Variants in EFHC2 observed in about 807,000 individuals in gnomAD.
EFHC2 encodes EF-hand domain-containing family member C2.
In EFHC2, 18 loss-of-function variants were observed where a neutral mutation model predicts 52.7. The observed-to-expected ratio is 0.34, with a 90% confidence interval of 0.24 to 0.51. The LOEUF is 0.51. EFHC2 is among the 20% of genes least tolerant of loss of function. The pLI is 0.97. For missense variants in EFHC2, 513 were observed against 562.5 expected, an observed-to-expected ratio of 0.91 and a Z score of 0.89; for synonymous variants, 203 against 204.1, an observed-to-expected ratio of 0.99 and a Z score of 0.04.
chrX:44,194,758 C>T (rs2147291372), intron 11 of EFHC2, among the ~76,000 whole-genome samples: 1 of 111,748 alleles, frequency 8.9e-6, no homozygotes, highest in African/African-American at 3.2e-5. Flanking sequence ...ACTTCAGGGG[C>T]CCAGCCATAT....
At chrX:44,220,005 G>A (rs2037181669) in intron 11 of EFHC2, among the ~76,000 whole-genome samples, 1 of 111,415 alleles carries the variant, frequency 9.0e-6, no homozygotes, top group African/African-American at 3.3e-5. Context: ...TTATTTGTTT[G>A]GGTTTTATTT....
intron 4 of EFHC2, among the ~76,000 whole-genome samples, chrX:44,257,126 C>T (rs1311810492): frequency 1.8e-5 from 2 of 111,611 alleles, no homozygotes; most frequent in Non-Finnish European, 3.8e-5. Flanking sequence ...TCTCCATAAA[C>T]TAGGTATTGA....
intron 2 of EFHC2, chrX:44,284,305 G>A (rs1455357908): frequency 1.8e-5 from 2 of 111,653 alleles, no homozygotes; most frequent in Non-Finnish European, 3.8e-5. Context: ...CTCTGGAGGA[G>A]GGTATCTACA....
intron 11 of EFHC2, among the ~76,000 whole-genome samples, chrX:44,186,608 A>T (rs2036876153): frequency 9.0e-6 from 1 of 111,448 alleles, no homozygotes; most frequent in Non-Finnish European, 1.9e-5. Context: ...CTACAAGACC[A>T]TGGTGAGCTC....
chrX:44,244,847 T>G (rs2037386830), intron 7 of EFHC2, among the ~76,000 whole-genome samples: 1 of 112,195 alleles, frequency 8.9e-6, no homozygotes, highest in Non-Finnish European at 1.9e-5. Flanking sequence ...TAAGACAAAG[T>G]TAGGCCAGGG....
chrX:44,328,933 C>T (rs766327453), intron 1 of EFHC2, among the ~76,000 whole-genome samples: 14 of 111,523 alleles, frequency 1.3e-4, no homozygotes, highest in South Asian at 3.8e-4. Context: ...CCCTATGCTC[C>T]GCCCGCTCCC....
intron 10 of EFHC2, among the ~76,000 whole-genome samples, chrX:44,230,196 T>G (rs553154534): frequency 9.0e-6 from 1 of 111,467 alleles, no homozygotes; most frequent in African/African-American, 3.3e-5. Context: ...CTGGAACTGC[T>G]GTCCATTAGG....
intron 14 of EFHC2, among the ~76,000 whole-genome samples, chrX:44,159,205 A>G (rs1465986805): frequency 2.7e-5 from 3 of 110,975 alleles, no homozygotes; most frequent in Non-Finnish European, 5.7e-5. Flanking sequence ...TCCCAAGGAC[A>G]CTCCCAAAAA....
intron 11 of EFHC2, among the ~76,000 whole-genome samples, chrX:44,213,292 GCTAGCAATCAACA>G (rs2037115140): frequency 9.0e-6 from 1 of 111,092 alleles, no homozygotes; most frequent in Non-Finnish European, 1.9e-5. Context: ...AAAAAGAAAT[GCTAGCAATCAACA>G]ACACTATGTC....
chrX:44,310,073 T>C, intron 2 of EFHC2: 1 of 762,119 alleles, frequency 1.3e-6, no homozygotes, highest in East Asian at 3.1e-5. Context: ...CATCACTTGC[T>C]GCAAAGAAAA....
rs2037757796 is a variant in EFHC2, at chrX:44,287,216, G to A, written c.232-14380C>T. Reference sequence around the variant, plus strand: ...AAAAAAAATTTTTTAAATAAAAAATGTAAGTATACACTCAACAAGGTAAGC... The same window carrying A: ...AAAAAAAATTTTTTAAATAAAAAATATAAGTATACACTCAACAAGGTAAGC... On this transcript the variant is annotated intron_variant, in intron 2 of 14. Transcript: ENST00000420999. Among the ~76,000 whole-genome samples the A allele has an allele frequency of 4.5e-5, 5 of 110,129 alleles. No individual in the cohort carries two copies. The South Asian group carries it at 1.9e-3, about 43-fold the overall frequency.
intron 11 of EFHC2, among the ~76,000 whole-genome samples, chrX:44,197,729 G>A (rs970383491): frequency 1.8e-5 from 2 of 112,613 alleles, no homozygotes; most frequent in African/African-American, 3.2e-5. Flanking sequence ...TATGTGGCAC[G>A]CCTTCCATAC....
At chrX:44,195,580 G>T (rs2147292016) in intron 11 of EFHC2, among the ~76,000 whole-genome samples, 1 of 112,074 alleles carries the variant, frequency 8.9e-6, no homozygotes, top group Non-Finnish European at 1.9e-5. Context: ...AGTGCTATGA[G>T]GCAGCTTCAA....
intron 2 of EFHC2, among the ~76,000 whole-genome samples, chrX:44,293,124 G>A (rs1270469892): frequency 1.8e-5 from 2 of 109,429 alleles, no homozygotes; most frequent in Non-Finnish European, 3.8e-5. Context: ...TTACAGGTAC[G>A]TGCCACCATG....
chrX:44,230,912 T>C (rs2037271483), intron 10 of EFHC2, among the ~76,000 whole-genome samples: 1 of 111,324 alleles, frequency 9.0e-6, no homozygotes, highest in Non-Finnish European at 1.9e-5. Flanking sequence ...ACAGGCACTG[T>C]TGTTCCTCCC....
intron 1 of EFHC2, among the ~76,000 whole-genome samples, chrX:44,318,386 T>C (rs988313830): frequency 8.9e-6 from 1 of 112,033 alleles, no homozygotes; most frequent in Non-Finnish European, 1.9e-5. Context: ...GAAGAAAGAA[T>C]GGGGAGTGAC....
intron 11 of EFHC2, chrX:44,225,648 G>C (rs903351658): frequency 1.8e-5 from 2 of 112,331 alleles, no homozygotes; most frequent in Non-Finnish European, 3.8e-5. Context: ...GTACAAATTT[G>C]AAAAGAGAAC....
At chrX:44,167,391 A>C (rs1440576157) in intron 13 of EFHC2, among the ~76,000 whole-genome samples, 2 of 112,077 alleles carry the variant, frequency 1.8e-5, no homozygotes, top group Non-Finnish European at 3.8e-5. Context: ...GGAAGTCACC[A>C]CACGAAGTCC....
Position 44,232,502 on chromosome X carries a change from G to A in EFHC2, c.1599C>T (p.Tyr533=). The A allele has an allele frequency of 1.8e-6, 2 of 1,130,836 alleles. No homozygotes were observed. The highest frequency in any genetic ancestry group is 2.3e-6 in the Non-Finnish European group (2 of 853,542). The allele number at this position is 1,130,836 out of a possible 1,213,427, so 93.2% of individuals were successfully genotyped here. The change falls in exon 10 of 15, where the codon TAC becomes TAT. Residue 533 remains tyrosine (Y), a synonymous_variant. Coordinates refer to ENST00000420999, the MANE Select transcript of EFHC2 (RefSeq NM_025184.4). ...LLNADEYTLN[Y]MEQNTDKYPF... The stretch of plus-strand genomic sequence containing the variant: ...TCACCTTATCTGTATTCTGCTCCAT[G>A]TAGTTTAAGGTATACTCATCAGCAT...
Sources: gnomAD v4.1 joint callset for allele counts (sites outside exome capture counted in the v4.1 genomes callset) on GRCh38, gnomAD v4.1.1 for gene constraint, MANE v1.5 for transcripts, NCBI Gene and HGNC (gene_info 2026-07-23, HGNC 2026-07-21) for gene names.